Variants in SYN3 observed in about 807,000 individuals in gnomAD.
SYN3 encodes synapsin-3.
Under a neutral mutation model 65.8 loss-of-function variants are expected in SYN3, and 35 were observed. The ratio of observed to expected loss-of-function variants is 0.53; its 90% CI spans 0.41 to 0.70. The LOEUF (loss-of-function observed/expected upper bound fraction) is 0.70, where lower values mean the gene tolerates loss of function less well. Among genes scored for constraint, SYN3 ranks in the 30% least tolerant of loss-of-function variants. The probability of loss-of-function intolerance (pLI) is 0.00; values close to 1 mark genes in which losing one functional copy is unlikely to be tolerated. For synonymous variants in SYN3, 270 were observed against 292.9 expected (o/e 0.92, Z 0.80); for missense variants, 680 against 749.0 (o/e 0.91, Z 1.08).
chr22:33,038,785 C>A (rs1283957032), intron 1 of SYN3, among the ~76,000 whole-genome samples: 1 of 149,104 alleles, frequency 6.7e-6, no homozygotes, highest in African/African-American at 2.5e-5. Context: ...TCTTAAGAGT[C>A]AGATTAGAAC....
chr22:32,943,470 C>T (rs1448312671), intron 3 of SYN3, among the ~76,000 whole-genome samples: 2 of 152,108 alleles, frequency 1.3e-5, no homozygotes, highest in East Asian at 1.9e-4. Flanking sequence ...AAGGAACAAC[C>T]GGTACATCTG....
At chr22:32,532,976 G>GT (rs1436095801) in intron 10 of SYN3, among the ~76,000 whole-genome samples, 2 of 151,930 alleles carry the variant, frequency 1.3e-5, no homozygotes, top group East Asian at 1.9e-4. Flanking sequence ...GGGACATGGA[G>GT]TGGGGGGGCA....
intron 6 of SYN3, among the ~76,000 whole-genome samples, chr22:32,605,772 T>C (rs1043472550): frequency 1.3e-5 from 2 of 152,162 alleles, no homozygotes; most frequent in Non-Finnish European, 2.9e-5. Context: ...CCAGCAGACC[T>C]GTTAGGACAA....
intron 10 of SYN3, 50 bp from the exon 11 acceptor site, chr22:32,529,058 C>A (rs375424775): frequency 1.9e-6 from 3 of 1,610,352 alleles, no homozygotes; most frequent in South Asian, 1.1e-5. Flanking sequence ...GGAGAGATGG[C>A]GGTTGGGCAT....
intron 3 of SYN3, among the ~76,000 whole-genome samples, chr22:32,979,301 A>G (rs567997013): frequency 1.3e-5 from 2 of 152,280 alleles, no homozygotes; most frequent in South Asian, 2.1e-4. Flanking sequence ...CTCGTTCTCC[A>G]CATATTAGCT....
chr22:32,996,201 T>C (rs1016874425), intron 2 of SYN3, among the ~76,000 whole-genome samples: 1 of 152,182 alleles, frequency 6.6e-6, no homozygotes, highest in South Asian at 2.1e-4. Context: ...CCCGTCCATC[T>C]ATCCTAGCCA....
intron 6 of SYN3, among the ~76,000 whole-genome samples, chr22:32,682,167 G>C (rs1437560116): frequency 2.0e-5 from 3 of 151,822 alleles, no homozygotes; most frequent in Non-Finnish European, 4.4e-5. Context: ...ATTTTTGGTT[G>C]TCACAACTTG....
At chr22:32,626,202 T>A (rs564980950) in intron 6 of SYN3, among the ~76,000 whole-genome samples, 1 of 152,164 alleles carries the variant, frequency 6.6e-6, no homozygotes, top group Admixed American at 6.5e-5. Flanking sequence ...CAACACAGCT[T>A]GGCCAGCACT....
chr22:32,856,065 G>A (rs983977482), intron 6 of SYN3, among the ~76,000 whole-genome samples: 3 of 152,176 alleles, frequency 2.0e-5, no homozygotes, highest in African/African-American at 7.2e-5. Flanking sequence ...TTTCTATAAA[G>A]TGGGGTTTGT....
intron 6 of SYN3, among the ~76,000 whole-genome samples, chr22:32,693,001 G>C (rs1376419101): frequency 6.6e-6 from 1 of 152,100 alleles, no homozygotes; most frequent in African/African-American, 2.4e-5. Context: ...TGGATGTGCA[G>C]TAGCCCCCTT....
intron 6 of SYN3, among the ~76,000 whole-genome samples, chr22:32,850,682 G>A (rs2048193293): frequency 6.6e-6 from 1 of 152,174 alleles, no homozygotes; most frequent in African/African-American, 2.4e-5. Context: ...CACAGGAACT[G>A]TCCAGCCCTT....
In SYN3 at chr22:32,572,058, C is replaced by G. The variant is rs368505499; in HGVS notation, c.774+24616G>C. On this transcript the variant is annotated intron_variant, in intron 7 of 13. Transcript: ENST00000358763. ...AGCTCGCTCACAGGAGGGCATGAAT[C>G]GCATCATGCTTGGGCAAGCAGAGGA... Among the ~76,000 whole-genome samples, 65 of 151,880 alleles carry G rather than the reference C, an allele frequency of 4.3e-4. 1 individual carries two copies. Among genetic ancestry groups the G allele is most frequent in the African/African-American group, 1.2e-3 (50 of 41,420 alleles).
chr22:33,006,252 A>C (rs781210392), intron 2 of SYN3, 100 bp downstream of exon 2: 44 of 1,372,204 alleles, frequency 3.2e-5, no homozygotes, highest in Non-Finnish European at 4.3e-5. Context: ...ATAGCACCCA[A>C]GCCTCTCATA....
chr22:32,597,204 C>CTTTTTTTTTTTTTTTTTTTTT (rs6147592), intron 6 of SYN3, among the ~76,000 whole-genome samples: 1 of 87,372 alleles, frequency 1.1e-5, no homozygotes, highest in Non-Finnish European at 2.2e-5. Context: ...ACATTATTCT[C>CTTTTTTTTTTTTTTTTTTTTT]TTTTTTTTTT....
chr22:32,810,504 CA>C (rs1208239229), intron 6 of SYN3, among the ~76,000 whole-genome samples: 2 of 145,770 alleles, frequency 1.4e-5, no homozygotes, highest in Admixed American at 1.4e-4. Context: ...AGTGGAAAAA[CA>C]GAGCCCTAGA....
intron 6 of SYN3, among the ~76,000 whole-genome samples, chr22:32,850,328 G>A (rs913870656): frequency 1.3e-5 from 2 of 151,910 alleles, no homozygotes; most frequent in African/African-American, 4.8e-5. Flanking sequence ...TAACAGTGTG[G>A]GGTTGGGCTT....
intron 6 of SYN3, among the ~76,000 whole-genome samples, chr22:32,641,976 C>G (rs9621518): frequency 6.6e-6 from 1 of 152,092 alleles, no homozygotes; most frequent in Non-Finnish European, 1.5e-5. Flanking sequence ...TCTGGCAATC[C>G]TCACACTGTG....
chr22:32,735,388 T>C (rs768830312), intron 6 of SYN3, among the ~76,000 whole-genome samples: 1 of 152,210 alleles, frequency 6.6e-6, no homozygotes, highest in Non-Finnish European at 1.5e-5. Flanking sequence ...TCTCAATCAA[T>C]GCTAGCTATT....
Position 32,510,325 on chromosome 22 carries a change from C to T in SYN3, c.*3367G>A, listed in dbSNP as rs187445231. ...ACCAGAAATTCGGACTCCTTTAGTCCGACATGAAGCTTCATCTGCCTTTGT... is the reference window on the plus strand; with the variant it reads ...ACCAGAAATTCGGACTCCTTTAGTCTGACATGAAGCTTCATCTGCCTTTGT... On this transcript the variant is annotated 3_prime_UTR_variant, in exon 14 of 14. Coordinates refer to ENST00000358763, the MANE Select transcript of SYN3 (RefSeq NM_003490.4). Among the ~76,000 whole-genome samples the T allele has an allele frequency of 9.0e-4, 137 of 152,250 alleles. 3 individuals are homozygous for T. Among genetic ancestry groups the T allele is most frequent in the Admixed American group, 8.1e-3 (124 of 15,300 alleles).
Sources: allele counts gnomAD v4.1 joint callset (sites outside exome capture counted in the v4.1 genomes callset), GRCh38; gene constraint gnomAD v4.1.1; transcripts MANE v1.5; gene names NCBI Gene and HGNC (gene_info 2026-07-23, HGNC 2026-07-21).